Variants in LHFPL6 observed in about 807,000 individuals in gnomAD.
LHFPL6 encodes the protein LHFPL tetraspan subfamily member 6, also known as LHFPL tetraspan subfamily member 6 protein.
Under a neutral mutation model 20.6 loss-of-function variants are expected in LHFPL6, and 9 were observed. The ratio of observed to expected loss-of-function variants is 0.44; its 90% CI spans 0.26 to 0.76. LHFPL6 has a LOEUF of 0.76. LHFPL6 is among the 30% of genes least tolerant of loss of function. The probability of loss-of-function intolerance (pLI) is 0.20; values close to 1 mark genes in which losing one functional copy is unlikely to be tolerated. For synonymous variants in LHFPL6, 105 were observed against 98.7 expected (o/e 1.06, Z -0.38); for missense variants, 218 against 253.5 (o/e 0.86, Z 0.95).
intron 2 of LHFPL6, among the ~76,000 whole-genome samples, chr13:39,589,040 A>G (rs1486725467): frequency 6.6e-6 from 1 of 152,252 alleles, no homozygotes; most frequent in Non-Finnish European, 1.5e-5. Context: ...TAAGCAGGTC[A>G]GCTCTGGAGC....
intron 2 of LHFPL6, among the ~76,000 whole-genome samples, chr13:39,550,354 C>T (rs1871113593): frequency 6.6e-6 from 1 of 151,900 alleles, no homozygotes; most frequent in South Asian, 2.1e-4. Context: ...TTTGTACGTG[C>T]TTGTCAAAAC....
intron 2 of LHFPL6, among the ~76,000 whole-genome samples, chr13:39,505,659 G>A (rs1869452191): frequency 6.6e-6 from 1 of 152,162 alleles, no homozygotes; most frequent in African/African-American, 2.4e-5. Context: ...TAACAGTGAG[G>A]TAGCAAGTTC....
intron 2 of LHFPL6, among the ~76,000 whole-genome samples, chr13:39,461,644 G>A (rs1872690420): frequency 6.6e-6 from 1 of 152,040 alleles, no homozygotes; most frequent in Non-Finnish European, 1.5e-5. Context: ...AGATGCTAAG[G>A]CTAGTCTATG....
intron 2 of LHFPL6, among the ~76,000 whole-genome samples, chr13:39,535,970 T>G (rs17060174): frequency 0.013 from 1,989 of 152,244 alleles, 46 homozygotes; most frequent in East Asian, 0.093. Flanking sequence ...GCCTATTTGA[T>G]TACCTGCTTC....
At chr13:39,416,661 G>C (rs769880554) in intron 2 of LHFPL6, among the ~76,000 whole-genome samples, 1 of 152,358 alleles carries the variant, frequency 6.6e-6, no homozygotes, top group East Asian at 1.9e-4. Context: ...AGAGAAAAGA[G>C]AAAGTGCTAG....
chr13:39,556,449 G>A (rs991134032), intron 2 of LHFPL6, among the ~76,000 whole-genome samples: 17 of 152,178 alleles, frequency 1.1e-4, no homozygotes, highest in Non-Finnish European at 1.5e-5. Context: ...GGGAACTAGA[G>A]TAATGGTCAC....
chr13:39,595,873 T>C (rs558293796), intron 2 of LHFPL6, among the ~76,000 whole-genome samples: 2 of 152,324 alleles, frequency 1.3e-5, no homozygotes, highest in South Asian at 2.1e-4. Context: ...TAGTGTGCCC[T>C]TCTGGCCTAA....
At chr13:39,344,763 T>C (rs1207892391) in intron 3 of LHFPL6, among the ~76,000 whole-genome samples, 1 of 152,232 alleles carries the variant, frequency 6.6e-6, no homozygotes. Flanking sequence ...TCAATTCTTT[T>C]ATCAACATTA....
chr13:39,581,142 GC>G (rs752740324), intron 2 of LHFPL6, among the ~76,000 whole-genome samples: 97 of 152,274 alleles, frequency 6.4e-4, no homozygotes, highest in African/African-American at 2.2e-3. Context: ...AGCCTAACAA[GC>G]TAAATAAGGA....
chr13:39,587,379 A>C (rs1423603115), intron 2 of LHFPL6, among the ~76,000 whole-genome samples: 2 of 152,122 alleles, frequency 1.3e-5, no homozygotes, highest in African/African-American at 4.8e-5. Context: ...TCTGCTCACC[A>C]GACCCAGGTC....
intron 2 of LHFPL6, among the ~76,000 whole-genome samples, chr13:39,477,422 A>G (rs903167923): frequency 1.3e-5 from 2 of 152,210 alleles, no homozygotes; most frequent in Non-Finnish European, 2.9e-5. Flanking sequence ...AGAATTATAG[A>G]ATATCATGCT....
chr13:39,600,443 T>C (rs1872899476), intron 2 of LHFPL6, among the ~76,000 whole-genome samples: 1 of 152,258 alleles, frequency 6.6e-6, no homozygotes, highest in African/African-American at 2.4e-5. Context: ...TCCACTTTTC[T>C]GTGAAATCTT....
At chr13:39,504,811 C>T (rs926009074) in intron 2 of LHFPL6, among the ~76,000 whole-genome samples, 2 of 152,200 alleles carry the variant, frequency 1.3e-5, no homozygotes, top group African/African-American at 2.4e-5. Flanking sequence ...TACTTATGCT[C>T]AGGAATAAGC....
At chr13:39,522,765 A>G (rs1236765237) in intron 2 of LHFPL6, among the ~76,000 whole-genome samples, 1 of 152,248 alleles carries the variant, frequency 6.6e-6, no homozygotes, top group Non-Finnish European at 1.5e-5. Flanking sequence ...AACCACAAGA[A>G]GAAACCACAC....
intron 2 of LHFPL6, among the ~76,000 whole-genome samples, chr13:39,386,950 C>T (rs923756067): frequency 1.3e-5 from 2 of 152,180 alleles, no homozygotes; most frequent in Non-Finnish European, 1.5e-5. Context: ...TTAAGGTCTA[C>T]GAAGCCTCAA....
chr13:39,404,382 T>C (rs1038449690), intron 2 of LHFPL6, among the ~76,000 whole-genome samples: 2 of 152,112 alleles, frequency 1.3e-5, no homozygotes, highest in African/African-American at 4.8e-5. Flanking sequence ...GAACACTATA[T>C]TCCCTCAAAA....
At chr13:39,389,935 C>A (rs1870660542) in intron 2 of LHFPL6, among the ~76,000 whole-genome samples, 1 of 152,112 alleles carries the variant, frequency 6.6e-6, no homozygotes, top group African/African-American at 2.4e-5. Context: ...TCTAACATAA[C>A]AATATTTAGG....
At chr13:39,564,043 T>C (rs1213345834) in intron 2 of LHFPL6, among the ~76,000 whole-genome samples, 1 of 152,170 alleles carries the variant, frequency 6.6e-6, no homozygotes, top group Admixed American at 6.5e-5. Flanking sequence ...TGGACTGCTA[T>C]TATCATTGCA....
chr13:39,391,426 A>C lies in LHFPL6; in HGVS notation c.386-12900T>G, dbSNP rs538147696. Among the ~76,000 whole-genome samples, 39 of 152,332 alleles carry C rather than the reference A, an allele frequency of 2.6e-4. No homozygotes were observed. In the South Asian group the frequency reaches 5.4e-3, roughly 21 times the overall value. On this transcript the variant is annotated intron_variant, in intron 2 of 3. Transcript: ENST00000379589. Reference sequence around the variant, plus strand: ...GAGTATGTTTCCTCATCAGTTAAGAAGGAATAAAATCCATATCATAGAGCT... The same window carrying C: ...GAGTATGTTTCCTCATCAGTTAAGACGGAATAAAATCCATATCATAGAGCT...
Sources: allele counts gnomAD v4.1 joint callset (sites outside exome capture counted in the v4.1 genomes callset), GRCh38; gene constraint gnomAD v4.1.1; transcripts MANE v1.5; gene names NCBI Gene and HGNC (gene_info 2026-07-23, HGNC 2026-07-21).